PCSK5: variants seen among roughly 807,000 people sequenced by gnomAD.
The protein encoded by PCSK5 is proprotein convertase subtilisin/kexin type 5, also known as prohormone convertase 5.
A neutral mutation model predicts 233.2 loss-of-function variants in PCSK5; 129 were observed. That is an observed-to-expected ratio of 0.55 (90% CI 0.48 to 0.64). PCSK5 has a LOEUF of 0.64. PCSK5 is among the 30% of genes least tolerant of loss of function. PCSK5 has a pLI of 0.00. For synonymous variants in PCSK5, 825 were observed against 879.2 expected (o/e 0.94, Z 1.09); for missense variants, 2,076 against 2,430.1 (o/e 0.85, Z 3.06).
chr9:75,992,134 C>A, intron 3 of PCSK5, among the ~76,000 whole-genome samples: 1 of 152,058 alleles, frequency 6.6e-6, no homozygotes, highest in East Asian at 1.9e-4. Flanking sequence ...TGTCCACCTA[C>A]CCCCAAACTA....
rs761007788 is a variant in PCSK5 at position 76,175,147 on chromosome 9, G to A, written c.1900+18G>A. 4.3e-6 allele frequency: 7 copies of A among 1,612,948 alleles called. No individual in the cohort carries two copies. In the Admixed American group the frequency reaches 1.2e-4, roughly 27 times the overall value. On this transcript the variant is annotated intron_variant, in intron 14 of 37. Transcript: ENST00000674117. ...TTATGCAGGTGAGCTGGCTTCCAGT[G>A]GGACACAGGCTAAAAAGAGGCAGCT...
At chr9:76,190,655 A>G (rs1218168183) in intron 20 of PCSK5, among the ~76,000 whole-genome samples, 5 of 152,212 alleles carry the variant, frequency 3.3e-5, no homozygotes, top group Non-Finnish European at 7.3e-5. Flanking sequence ...TATAAACAGT[A>G]ATTAAATGGG....
intron 9 of PCSK5, among the ~76,000 whole-genome samples, chr9:76,123,564 T>C (rs1274808352): frequency 3.3e-5 from 5 of 152,184 alleles, no homozygotes; most frequent in African/African-American, 1.2e-4. Flanking sequence ...TGTTAATTAT[T>C]TTTTATTATT....
At position 76,273,360 on chromosome 9, in the gene PCSK5, G is replaced by C. The variant is rs147483825; in HGVS notation, c.3143-18873G>C. Among the ~76,000 whole-genome samples, 220 of 151,978 alleles carry C rather than the reference G, an allele frequency of 1.4e-3. 1 individual carries two copies. Among genetic ancestry groups the C allele is most frequent in the African/African-American group, 5.2e-3 (217 of 41,444 alleles). ...TCTTTCTACTTGCTTCATTCCCCCT[G>C]ACTCTGAGCTAAGTATTGTACTAGG... On this transcript the variant is annotated intron_variant, in intron 24 of 37. Coordinates refer to ENST00000674117, the MANE Select transcript of PCSK5 (RefSeq NM_001372043.1).
chr9:75,890,285 G>A (rs1265390032), upstream of PCSK5, among the ~76,000 whole-genome samples: 3 of 152,238 alleles, frequency 2.0e-5, no homozygotes, highest in Non-Finnish European at 1.5e-5. Flanking sequence ...ACACGTAAGT[G>A]ACCTCCTTAA....
Position 76,292,825 on chromosome 9 carries a change from C to T in PCSK5, c.3185+550C>T, listed in dbSNP as rs1436756602. Among the ~76,000 whole-genome samples, 10 of 152,142 alleles carry T rather than the reference C, an allele frequency of 6.6e-5. No homozygotes were observed. In the East Asian group the frequency reaches 7.7e-4, roughly 12 times the overall value. ...CCTCTTCCTAGTCTAGCTTCCCTTC[C>T]AGCACACACTGTTGACCGTCCTAGA... On this transcript the variant is annotated intron_variant, in intron 25 of 37. Coordinates refer to ENST00000674117, the MANE Select transcript of PCSK5 (RefSeq NM_001372043.1).
At chr9:75,922,842 C>T (rs1000093547) in intron 1 of PCSK5, among the ~76,000 whole-genome samples, 1 of 152,168 alleles carries the variant, frequency 6.6e-6, no homozygotes, top group African/African-American at 2.4e-5. Context: ...ATTCAACTTG[C>T]TGTGTCTTAA....
intron 10 of PCSK5, among the ~76,000 whole-genome samples, chr9:76,142,279 C>T (rs887461326): frequency 5.3e-5 from 8 of 151,406 alleles, no homozygotes; most frequent in Non-Finnish European, 8.8e-5. Context: ...TTTCTGGTTC[C>T]GAGTTAGTAT....
At chr9:76,052,584 G>A (rs140745976) in intron 5 of PCSK5, among the ~76,000 whole-genome samples, 23 of 152,272 alleles carry the variant, frequency 1.5e-4, no homozygotes, top group Admixed American at 7.2e-4. Flanking sequence ...CCCACGATGC[G>A]TGGGGATTAT....
At chr9:76,251,061 A>G (rs898553170) in intron 24 of PCSK5, among the ~76,000 whole-genome samples, 2 of 152,048 alleles carry the variant, frequency 1.3e-5, no homozygotes, top group Non-Finnish European at 2.9e-5. Flanking sequence ...TCAGGCCAGG[A>G]GTTCGAGACC....
chr9:76,197,952 T>C (rs564930275), intron 20 of PCSK5, among the ~76,000 whole-genome samples: 17 of 152,366 alleles, frequency 1.1e-4, no homozygotes, highest in African/African-American at 4.1e-4. Flanking sequence ...GTGGACTTAA[T>C]TTCACTGTAG....
At chr9:75,944,529 G>T (rs934351113) in intron 2 of PCSK5, among the ~76,000 whole-genome samples, 3 of 152,020 alleles carry the variant, frequency 2.0e-5, no homozygotes, top group Admixed American at 2.0e-4. Context: ...TTGATAATTT[G>T]CTCCTTCTTG....
intron 20 of PCSK5, among the ~76,000 whole-genome samples, chr9:76,225,380 T>C (rs1235347484): frequency 1.3e-5 from 2 of 152,206 alleles, no homozygotes; most frequent in African/African-American, 4.8e-5. Context: ...AATACGATTT[T>C]TGTGAGGTTT....
chr9:76,272,831 T>G (rs1039351273), intron 24 of PCSK5, among the ~76,000 whole-genome samples: 1 of 141,830 alleles, frequency 7.1e-6, no homozygotes, highest in Non-Finnish European at 1.5e-5. Flanking sequence ...CCATAAAAGC[T>G]TCTTCATTAT....
chr9:76,227,589 AC>A lies in PCSK5; in HGVS notation c.2715del (p.Cys906AlafsTer3). The A allele has an allele frequency of 6.2e-7, 1 of 1,609,130 alleles. No homozygotes were observed. Among genetic ancestry groups the A allele is most frequent in the Non-Finnish European group, 8.5e-7 (1 of 1,177,458 alleles). ...CQGPTQEDCT[T>X]CPMTRIFDDG... The stretch of plus-strand genomic sequence containing the variant: ...GGGACCAACCCAGGAAGACTGCACT[AC>A]CTGCCCCATGACAAGGTAAGTGGCT... On this transcript the variant is annotated frameshift_variant, in exon 21 of 38. Transcript: ENST00000674117. LOFTEE classifies it high-confidence loss of function.
rs1828842371 is a variant in PCSK5, at chr9:76,310,756, C to G, written c.3789C>G (p.Ala1263=). The change falls in exon 30 of 38, where the codon GCC becomes GCG. Residue 1263 remains alanine, a synonymous_variant. Transcript: ENST00000674117. Reference sequence around the variant, plus strand: ...GCGAGAACTGTACGGAGGCCTGTGCCATCTGCTCTGGAGCCGATCTTTGCA... The same window carrying G: ...GCGAGAACTGTACGGAGGCCTGTGCGATCTGCTCTGGAGCCGATCTTTGCA... The part of the protein sequence containing the change: ...GSCENCTEAC[A]ICSGADLCKK... 2 of 1,612,254 alleles carry G rather than the reference C, an allele frequency of 1.2e-6. No homozygotes were observed. The highest frequency in any genetic ancestry group is 3.3e-5 in the Admixed American group (2 of 59,974).
chr9:76,006,279 G>T (rs543307300), intron 3 of PCSK5, among the ~76,000 whole-genome samples: 20 of 152,016 alleles, frequency 1.3e-4, no homozygotes, highest in South Asian at 1.2e-3. Flanking sequence ...TTATAAATAT[G>T]ACCAATAAAT....
At chr9:76,345,092 T>C (rs1829939893) in intron 35 of PCSK5, among the ~76,000 whole-genome samples, 1 of 152,202 alleles carries the variant, frequency 6.6e-6, no homozygotes, top group Non-Finnish European at 1.5e-5. Context: ...GTGAGAGTAG[T>C]ACCCAATAAG....
At chr9:76,040,377 C>CTCTCTG (rs1829058334) in intron 5 of PCSK5, among the ~76,000 whole-genome samples, 790 of 59,726 alleles carry the variant, frequency 0.013, 1 homozygote, top group East Asian at 0.035. Context: ...CTCTCTCTCT[C>CTCTCTG]TCTCTCTGTC....
Sources: gnomAD v4.1 joint callset for allele counts (sites outside exome capture counted in the v4.1 genomes callset) on GRCh38, gnomAD v4.1.1 for gene constraint, MANE v1.5 for transcripts, NCBI Gene and HGNC (gene_info 2026-07-23, HGNC 2026-07-21) for gene names.